NEGR1: variants seen among roughly 807,000 people sequenced by gnomAD.
NEGR1 encodes the protein IgLON family member 4.
A neutral mutation model predicts 40.9 loss-of-function variants in NEGR1; 10 were observed. That is an observed-to-expected ratio of 0.24 (90% CI 0.15 to 0.42). The LOEUF is 0.42. NEGR1 is among the 10% of genes least tolerant of loss of function. NEGR1 has a pLI of 1.00. For missense variants in NEGR1, 352 were observed against 438.9 expected, an observed-to-expected ratio of 0.80 and a Z score of 1.77; for synonymous variants, 185 against 166.8, an observed-to-expected ratio of 1.11 and a Z score of -0.84.
chr1:71,654,473 A>AT (rs1452952333), intron 4 of NEGR1, among the ~76,000 whole-genome samples: 8 of 152,226 alleles, frequency 5.3e-5, no homozygotes, highest in African/African-American at 9.6e-5. Flanking sequence ...CTTGCACAAT[A>AT]TTTTTTTCCT....
chr1:72,119,210 A>G (rs752695224), intron 1 of NEGR1, among the ~76,000 whole-genome samples: 4 of 151,954 alleles, frequency 2.6e-5, no homozygotes, highest in African/African-American at 4.8e-5. Context: ...ATCCTCTGGA[A>G]GAAAGTGAGC....
intron 6 of NEGR1, among the ~76,000 whole-genome samples, chr1:71,574,445 G>C (rs536872551): frequency 3.6e-4 from 55 of 152,158 alleles, no homozygotes; most frequent in South Asian, 8.3e-4. Flanking sequence ...TAGCACAGTT[G>C]CAAAAAATAA....
Position 71,405,695 on chromosome 1 carries a change from A to C in NEGR1, c.*1751T>G, listed in dbSNP as rs1646274000. 6.6e-6 allele frequency: 1 copy of C among 151,782 alleles called. No individual in the cohort carries two copies. The highest frequency in any genetic ancestry group is 2.1e-4 in the South Asian group (1 of 4,816). The allele number at this position is 151,782 out of a possible 1,614,324, so 9.4% of individuals were successfully genotyped here. On this transcript the variant is annotated 3_prime_UTR_variant, in exon 7 of 7. Coordinates refer to ENST00000357731, the MANE Select transcript of NEGR1 (RefSeq NM_173808.3). Reference sequence around the variant, plus strand: ...TGGGACTAAGTTTTACTTGAAGAAAAAAAATCACAGTTTTTAAGCCATCCC... The same window carrying C: ...TGGGACTAAGTTTTACTTGAAGAAACAAAATCACAGTTTTTAAGCCATCCC...
chr1:71,777,468 A>G (rs1656552656), intron 2 of NEGR1, among the ~76,000 whole-genome samples: 1 of 152,114 alleles, frequency 6.6e-6, no homozygotes, highest in Admixed American at 6.5e-5. Context: ...TCACTTTTGT[A>G]GAGGGTATGA....
chr1:71,746,709 T>A (rs12080952), intron 3 of NEGR1, among the ~76,000 whole-genome samples: 2,983 of 151,798 alleles, frequency 0.02, 81 homozygotes, highest in African/African-American at 0.068. Flanking sequence ...TATTTATAAA[T>A]ATGTATACGT....
Position 72,199,144 on chromosome 1 carries a change from GAC to G in NEGR1, c.176+83173_176+83174del, listed in dbSNP as rs1491057964. Among the ~76,000 whole-genome samples, 542 of 140,158 alleles carry G rather than the reference GAC, an allele frequency of 3.9e-3. 4 individuals carry two copies. Among genetic ancestry groups the G allele is most frequent in the African/African-American group, 0.014 (521 of 36,148 alleles). 91.9% of individuals were successfully genotyped at this position (140,158 alleles called of 152,430 possible). Reference sequence around the variant, plus strand: ...AGTACATTGGAGATCTATCTAGATAGACAGACAGAGAGAGAGAGAGAGAGAGA... The same window carrying G: ...AGTACATTGGAGATCTATCTAGATAGAGACAGAGAGAGAGAGAGAGAGAGA... On this transcript the variant is annotated intron_variant, in intron 1 of 6. Coordinates refer to ENST00000357731, the MANE Select transcript of NEGR1 (RefSeq NM_173808.3).
At chr1:71,703,648 T>G (rs1653778963) in intron 3 of NEGR1, among the ~76,000 whole-genome samples, 1 of 151,852 alleles carries the variant, frequency 6.6e-6, no homozygotes, top group Non-Finnish European at 1.5e-5. Flanking sequence ...TATATGAAAT[T>G]AACTATTAAT....
At chr1:71,568,763 A>C (rs930344423) in intron 6 of NEGR1, among the ~76,000 whole-genome samples, 2 of 151,898 alleles carry the variant, frequency 1.3e-5, no homozygotes, top group Admixed American at 6.6e-5. Flanking sequence ...GTGTTTATGC[A>C]CATATAAAAT....
chr1:72,113,712 C>T (rs1251771961), intron 1 of NEGR1, among the ~76,000 whole-genome samples: 4 of 151,752 alleles, frequency 2.6e-5, no homozygotes, highest in Non-Finnish European at 5.9e-5. Flanking sequence ...CAGATTCAAA[C>T]TGTGATCTTT....
At chr1:71,901,198 A>G (rs1344067164) in intron 2 of NEGR1, among the ~76,000 whole-genome samples, 1 of 152,194 alleles carries the variant, frequency 6.6e-6, no homozygotes, top group African/African-American at 2.4e-5. Flanking sequence ...TTCATTCTAT[A>G]TAGTTAGTAG....
At chr1:71,953,919 T>A (rs568582226) in intron 1 of NEGR1, among the ~76,000 whole-genome samples, 1 of 152,050 alleles carries the variant, frequency 6.6e-6, no homozygotes, top group East Asian at 1.9e-4. Context: ...AAAAAAATAA[T>A]GTGACTTAAT....
intron 1 of NEGR1, among the ~76,000 whole-genome samples, chr1:72,031,500 C>A (rs1646858478): frequency 6.6e-6 from 1 of 152,122 alleles, no homozygotes; most frequent in Admixed American, 6.5e-5. Context: ...TGACCCCTTT[C>A]AATTGACAAG....
intron 1 of NEGR1, among the ~76,000 whole-genome samples, chr1:72,069,856 T>A (rs1647390253): frequency 1.3e-5 from 2 of 152,176 alleles, no homozygotes; most frequent in South Asian, 4.1e-4. Context: ...TTATATGCAA[T>A]TCCTGTTTCT....
rs1299676237 is a variant in NEGR1, at chr1:71,592,938, A to C, written c.819T>G (p.Ile273Met). ...KLFNGQQGII[I>M]QNFSTRSILT... is the part of the protein sequence containing the mutation. ...GAATGGATCTTGTGCTAAAATTTTG[A>C]ATAATAATTCCTTGTTGGCCATTGA... Residue 273 changes from isoleucine to methionine, a missense_variant, in exon 6 of 7, where the codon ATT (isoleucine) becomes ATG (methionine). This residue lies in a region of NEGR1 where 184 missense variants were observed against 208.7 expected (regional missense o/e 0.88). Coordinates refer to ENST00000357731, the MANE Select transcript of NEGR1 (RefSeq NM_173808.3). 6.2e-7 allele frequency: 1 copy of C among 1,612,132 alleles called. No homozygotes were observed. Among genetic ancestry groups the C allele is most frequent in the Non-Finnish European group, 8.5e-7 (1 of 1,178,366 alleles).
chr1:71,913,156 C>T (rs1323437800), intron 2 of NEGR1, among the ~76,000 whole-genome samples: 1 of 152,084 alleles, frequency 6.6e-6, no homozygotes, highest in Non-Finnish European at 1.5e-5. Flanking sequence ...CACTCTGTCA[C>T]CCAGGCTGGA....
At chr1:71,536,496 A>C (rs1426849926) in intron 6 of NEGR1, among the ~76,000 whole-genome samples, 1 of 151,724 alleles carries the variant, frequency 6.6e-6, no homozygotes, top group Non-Finnish European at 1.5e-5. Flanking sequence ...GAGACCTCAT[A>C]AATGCAGATG....
chr1:72,098,196 A>G (rs1440723840), intron 1 of NEGR1, among the ~76,000 whole-genome samples: 1 of 152,182 alleles, frequency 6.6e-6, no homozygotes, highest in Non-Finnish European at 1.5e-5. Flanking sequence ...ACCTATGACC[A>G]TGACAAATCA....
rs1645744498 is a variant in NEGR1, at chr1:71,923,854, T to A, written c.409+11225A>T. Among the ~76,000 whole-genome samples, 3 of 152,080 alleles carry A rather than the reference T, an allele frequency of 2.0e-5. No individual in the cohort carries two copies. In the South Asian group the frequency reaches 6.2e-4, roughly 32 times the overall value. Reference sequence around the variant, plus strand: ...TTGCCTTCCTCTTCCACTTTTAAGGTCCCATGTGATTTCACTGGGCCTGAC... The same window carrying A: ...TTGCCTTCCTCTTCCACTTTTAAGGACCCATGTGATTTCACTGGGCCTGAC... On this transcript the variant is annotated intron_variant, in intron 2 of 6. Coordinates refer to ENST00000357731, the MANE Select transcript of NEGR1 (RefSeq NM_173808.3).
intron 6 of NEGR1, among the ~76,000 whole-genome samples, chr1:71,455,723 C>A (rs1330085561): frequency 6.6e-6 from 1 of 151,162 alleles, no homozygotes; most frequent in Non-Finnish European, 1.5e-5. Context: ...GACTCTGTCT[C>A]AAAAAAAAAT....
Sources: allele counts gnomAD v4.1 joint callset (sites outside exome capture counted in the v4.1 genomes callset), GRCh38; gene constraint gnomAD v4.1.1; regional missense constraint gnomAD v4.1.1; transcripts MANE v1.5; gene names NCBI Gene and HGNC (gene_info 2026-07-23, HGNC 2026-07-21).